The following SLIT3 variants were observed in gnomAD, a reference collection of about 807,000 sequenced individuals.
The protein encoded by SLIT3 is slit homolog 3 protein.
A neutral mutation model predicts 184.0 loss-of-function variants in SLIT3; 68 were observed. That is an observed-to-expected ratio of 0.37 (90% CI 0.30 to 0.45). The LOEUF is 0.45. SLIT3 is among the 20% of genes least tolerant of loss of function. The pLI is 1.00. For synonymous variants in SLIT3, 831 were observed against 828.6 expected, an observed-to-expected ratio of 1.00 and a Z score of -0.05; for missense variants, 1,707 against 2,026.0, an observed-to-expected ratio of 0.84 and a Z score of 3.02.
Position 169,160,568 on chromosome 5 carries a change from A to G in SLIT3, c.413+32911T>C, listed in dbSNP as rs372701849. On this transcript the variant is annotated intron_variant, in intron 4 of 35. Coordinates refer to ENST00000519560, the MANE Select transcript of SLIT3 (RefSeq NM_003062.4). ...TTTTGAATTTATCATCCGTTTGGACATAATTAAGCAATTAATCAATCAGTC... is the reference window on the plus strand; with the variant it reads ...TTTTGAATTTATCATCCGTTTGGACGTAATTAAGCAATTAATCAATCAGTC... 2.0e-5 allele frequency among the ~76,000 whole-genome samples: 3 copies of G among 152,368 alleles called. No homozygotes were observed. The East Asian group carries it at 5.8e-4, about 29-fold the overall frequency.
chr5:169,199,718 C>T (rs1256091015), intron 3 of SLIT3, among the ~76,000 whole-genome samples: 1 of 152,194 alleles, frequency 6.6e-6, no homozygotes, highest in Non-Finnish European at 1.5e-5. Context: ...GTTGGTGGGA[C>T]TTGAACCCAG....
intron 4 of SLIT3, among the ~76,000 whole-genome samples, chr5:169,179,282 T>C (rs1429337665): frequency 1.4e-4 from 19 of 133,410 alleles, no homozygotes; most frequent in East Asian, 1.2e-3. Flanking sequence ...TTTTCTTTTT[T>C]TTTTTTTTTT....
At chr5:168,897,735 A>G (rs1192751475) in intron 4 of SLIT3, among the ~76,000 whole-genome samples, 2 of 152,006 alleles carry the variant, frequency 1.3e-5, no homozygotes, top group African/African-American at 4.8e-5. Flanking sequence ...CCAAGCAAGT[A>G]TGGGGCTGGC....
chr5:168,739,178 A>G (rs750304146), intron 20 of SLIT3, among the ~76,000 whole-genome samples: 2 of 152,088 alleles, frequency 1.3e-5, no homozygotes, highest in Admixed American at 6.6e-5. Flanking sequence ...GTGAACCGAT[A>G]TTTTTCCATT....
intron 33 of SLIT3, among the ~76,000 whole-genome samples, chr5:168,672,227 G>T (rs2113176561): frequency 6.6e-6 from 1 of 152,196 alleles, no homozygotes; most frequent in African/African-American, 2.4e-5. Context: ...AGGGATAAGT[G>T]GTGTCCCTTC....
chr5:169,111,559 C>A (rs1322982968), intron 4 of SLIT3, among the ~76,000 whole-genome samples: 1 of 152,082 alleles, frequency 6.6e-6, no homozygotes, highest in Non-Finnish European at 1.5e-5. Flanking sequence ...CAAGACAAGC[C>A]TGGCCAACAT....
chr5:168,697,291 C>G (rs960077570), intron 27 of SLIT3, among the ~76,000 whole-genome samples: 7 of 152,196 alleles, frequency 4.6e-5, no homozygotes, highest in African/African-American at 7.2e-5. Flanking sequence ...GATGCATTTC[C>G]TTCACTTGTC....
intron 4 of SLIT3, among the ~76,000 whole-genome samples, chr5:168,910,606 T>C (rs1761220570): frequency 6.6e-6 from 1 of 151,160 alleles, no homozygotes; most frequent in Non-Finnish European, 1.5e-5. Flanking sequence ...ATTAGCCGCG[T>C]GTGGTGGCAG....
intron 3 of SLIT3, among the ~76,000 whole-genome samples, chr5:169,244,188 A>G (rs1022188296): frequency 6.6e-6 from 1 of 152,228 alleles, no homozygotes; most frequent in Non-Finnish European, 1.5e-5. Flanking sequence ...TTCTTGACAC[A>G]GGCTGATGCT....
chr5:169,275,315 G>A (rs1297899590), intron 1 of SLIT3, among the ~76,000 whole-genome samples: 1 of 152,186 alleles, frequency 6.6e-6, no homozygotes, highest in Non-Finnish European at 1.5e-5. Context: ...GTGTCAAAAT[G>A]AGATTCAAGT....
intron 20 of SLIT3, among the ~76,000 whole-genome samples, chr5:168,739,059 C>G (rs1397718935): frequency 6.6e-6 from 1 of 152,078 alleles, no homozygotes; most frequent in Non-Finnish European, 1.5e-5. Context: ...ACAACTTTCC[C>G]TCACTTAAAG....
chr5:169,216,634 A>C (rs1026871544), intron 3 of SLIT3, among the ~76,000 whole-genome samples: 29 of 151,922 alleles, frequency 1.9e-4, no homozygotes, highest in Admixed American at 1.0e-3. Context: ...CCAAAGGGCC[A>C]CTCTTTGCCC....
rs543524267 is a variant in SLIT3, at chr5:168,776,331, T to C, written c.1152-1953A>G. Among the ~76,000 whole-genome samples, 230 of 152,286 alleles carry C rather than the reference T, an allele frequency of 1.5e-3. 2 individuals carry two copies. Among genetic ancestry groups the C allele is most frequent in the African/African-American group, 5.3e-3 (221 of 41,556 alleles). Reference sequence around the variant, plus strand: ...ACGGCCTGTTTAATCTGTCTAATAATGGGCAAGGTCCCAAGGGTTCACACA... The same window carrying C: ...ACGGCCTGTTTAATCTGTCTAATAACGGGCAAGGTCCCAAGGGTTCACACA... On this transcript the variant is annotated intron_variant, in intron 12 of 35. Transcript: ENST00000519560.
At chr5:169,094,020 G>C (rs2113210695) in intron 4 of SLIT3, among the ~76,000 whole-genome samples, 1 of 152,156 alleles carries the variant, frequency 6.6e-6, no homozygotes. Context: ...CTCACATCAT[G>C]GTCCTAACAA....
intron 4 of SLIT3, among the ~76,000 whole-genome samples, chr5:168,930,959 C>T (rs1040233535): frequency 1.2e-4 from 18 of 152,194 alleles, no homozygotes; most frequent in African/African-American, 4.3e-4. Context: ...ACCGCAAATC[C>T]ACAGAGAGCC....
intron 4 of SLIT3, among the ~76,000 whole-genome samples, chr5:168,896,766 G>A (rs142512717): frequency 6.6e-6 from 1 of 152,332 alleles, no homozygotes; most frequent in African/African-American, 2.4e-5. Context: ...AAAGAGAAGG[G>A]AAAAGAAGGG....
Position 168,945,881 on chromosome 5 carries a change from A to C in SLIT3, c.414-62545T>G, listed in dbSNP as rs116090624. On this transcript the variant is annotated intron_variant, in intron 4 of 35. Transcript: ENST00000519560. ...GCCAAATATCTCTTGATTTGTTCTA[A>C]TCTTTGGGCTTGTGCTTAATGTCAT... Among the ~76,000 whole-genome samples, 897 of 152,284 alleles carry C rather than the reference A, an allele frequency of 5.9e-3. 6 individuals are homozygous for C. The highest frequency in any genetic ancestry group is 8.7e-3 in the Non-Finnish European group (590 of 68,014).
At chr5:169,139,696 A>G (rs904551971) in intron 4 of SLIT3, among the ~76,000 whole-genome samples, 2 of 152,208 alleles carry the variant, frequency 1.3e-5, no homozygotes, top group Admixed American at 6.5e-5. Flanking sequence ...TTAGTGATGG[A>G]GGGAACACGA....
At chr5:169,187,025 A>T (rs928367801) in intron 4 of SLIT3, among the ~76,000 whole-genome samples, 2 of 150,990 alleles carry the variant, frequency 1.3e-5, no homozygotes, top group Non-Finnish European at 1.5e-5. Context: ...TTTTTTTTTT[A>T]AAGCTGTCAA....
Sources: allele counts gnomAD v4.1 joint callset (sites outside exome capture counted in the v4.1 genomes callset), GRCh38; gene constraint gnomAD v4.1.1; transcripts MANE v1.5; gene names NCBI Gene and HGNC (gene_info 2026-07-23, HGNC 2026-07-21).